Variants in ABCC3 observed in about 807,000 individuals in gnomAD.
ABCC3 encodes the protein ATP binding cassette subfamily C member 3.
A neutral mutation model predicts 165.3 loss-of-function variants in ABCC3; 121 were observed. The ratio of observed to expected loss-of-function variants is 0.73; its 90% CI spans 0.63 to 0.85. The LOEUF (loss-of-function observed/expected upper bound fraction) is 0.85, where lower values mean the gene tolerates loss of function less well. Ranked by LOEUF, ABCC3 falls within the 40% of genes least tolerant of loss-of-function variation. The pLI is 0.00. For synonymous variants in ABCC3, 733 were observed against 810.1 expected (o/e 0.90, Z 1.62); for missense variants, 1,869 against 1,964.1 (o/e 0.95, Z 0.92).
At chr17:50,647,223 C>A (rs1018028527) in intron 1 of ABCC3, among the ~76,000 whole-genome samples, 1 of 152,156 alleles carries the variant, frequency 6.6e-6, no homozygotes, top group Non-Finnish European at 1.5e-5. Flanking sequence ...AGGTGCTTAA[C>A]CTTTCCCTGC....
Position 50,675,971 on chromosome 17 carries a change from C to A in ABCC3, c.2948C>A (p.Ala983Glu). The A allele has an allele frequency of 6.2e-7, 1 of 1,614,154 alleles. No homozygotes were observed. Among genetic ancestry groups the A allele is most frequent in the Non-Finnish European group, 8.5e-7 (1 of 1,180,038 alleles). The change falls in exon 22 of 31, where the codon GCG becomes GAG. Residue 983 changes from alanine to glutamate, a missense_variant. Transcript: ENST00000285238. ...TGTCTCCTGTATGTGGGTCAAAGTG[C>A]GGCTGCCATTGGAGCCAATGTGTGG... is the stretch of plus-strand genomic sequence containing the variant. ...AICLLYVGQS[A>E]AAIGANVWLS...
chr17:50,667,669 G>T lies in ABCC3; in HGVS notation c.1547G>T (p.Gly516Val). Residue 516 changes from glycine (G) to valine (V), a missense_variant, in exon 12 of 31, where the codon GGC becomes GTC. Transcript: ENST00000285238. ...CCCAGCTTCCTGAAGCAGGTGGAGG[G>T]CATCAGGCAGGGTGAGCTCCAGCTG... ...WEPSFLKQVE[G>V]IRQGELQLLR... The T allele has an allele frequency of 6.2e-7, 1 of 1,614,166 alleles. No individual in the cohort carries two copies. The highest frequency in any genetic ancestry group is 8.5e-7 in the Non-Finnish European group (1 of 1,180,030).
chr17:50,658,290 T>A, intron 5 of ABCC3, 83 bp downstream of exon 5: 1 of 1,605,190 alleles, frequency 6.2e-7, no homozygotes, highest in Non-Finnish European at 8.5e-7. Context: ...CCCCTCCAGT[T>A]CCTTTCAAAG....
At chr17:50,638,260 T>C (rs2054197019) in intron 1 of ABCC3, among the ~76,000 whole-genome samples, 1 of 151,690 alleles carries the variant, frequency 6.6e-6, no homozygotes, top group South Asian at 2.1e-4. Flanking sequence ...GTGAAGGGAG[T>C]ATGTGGAGGA....
rs371874263 is a variant in ABCC3 at position 50,675,683 on chromosome 17, C to A, written c.2767C>A (p.Arg923=). 1 of 1,572,844 alleles carries A rather than the reference C, an allele frequency of 6.4e-7. No homozygotes were observed. The highest frequency in any genetic ancestry group is 2.3e-5 in the East Asian group (1 of 42,798). ...GGAGGGACAGGGTCGGCCTGTACCC[C>A]GGAGGCACCTGGGTCCATCAGAGAA... The part of the protein sequence containing the change: ...DGEGQGRPVP[R]RHLGPSEKVQ... The change falls in exon 21 of 31, where the codon CGG becomes AGG. Residue 923 remains arginine, a synonymous_variant. Coordinates refer to ENST00000285238, the MANE Select transcript of ABCC3 (RefSeq NM_003786.4).
chr17:50,660,806 A>T, intron 7 of ABCC3, 117 bp from the exon 8 acceptor site: 2 of 761,244 alleles, frequency 2.6e-6, no homozygotes, highest in Non-Finnish European at 4.2e-6. Flanking sequence ...CCCAGCTCTG[A>T]GAGCCAAGAA....
intron 1 of ABCC3, chr17:50,635,496 G>A: frequency 1.4e-6 from 1 of 702,586 alleles, no homozygotes; most frequent in Non-Finnish European, 2.6e-6. Context: ...TTCTTAGGAA[G>A]GTTTCCTGCC....
At chr17:50,668,827 G>T in intron 14 of ABCC3, 26 bp from the exon 15 acceptor site, 1 of 1,610,368 alleles carries the variant, frequency 6.2e-7, no homozygotes. Context: ...CTCCCTCCCT[G>T]ACCCTGCCCA....
At chr17:50,668,993 A>G (rs1340000072) in intron 15 of ABCC3, 74 bp downstream of exon 15, 1 of 1,598,776 alleles carries the variant, frequency 6.3e-7, no homozygotes, top group African/African-American at 1.3e-5. Context: ...AGCACCCTGC[A>G]AAGCCTTTGA....
At chr17:50,660,821 G>T in intron 7 of ABCC3, 102 bp from the exon 8 acceptor site, 2 of 956,742 alleles carry the variant, frequency 2.1e-6, no homozygotes. Context: ...CAAGAAAACA[G>T]CTCCTTCCTC....
At position 50,673,476 on chromosome 17, in the gene ABCC3, T is replaced by A; in HGVS notation, c.2417T>A (p.Val806Glu). ...PEGVLAGKTR[V>E]LVTHGISFLP... ...CTGCTGCCTTCTCCCCAGACGCGAG[T>A]GCTGGTGACGCACGGCATTAGCTTC... Residue 806 changes from valine to glutamate, a missense_variant, in exon 19 of 31, where the codon GTG becomes GAG. Coordinates refer to ENST00000285238, the MANE Select transcript of ABCC3 (RefSeq NM_003786.4). 6.2e-7 allele frequency: 1 copy of A among 1,613,992 alleles called. No individual in the cohort carries two copies. Among genetic ancestry groups the A allele is most frequent in the East Asian group, 2.2e-5 (1 of 44,870 alleles).
intron 1 of ABCC3, among the ~76,000 whole-genome samples, chr17:50,651,449 G>A (rs534472891): frequency 7.4e-4 from 112 of 152,278 alleles, no homozygotes; most frequent in African/African-American, 2.6e-3. Flanking sequence ...GTGGCTGAGC[G>A]TGGTGGCTCA....
intron 30 of ABCC3, among the ~76,000 whole-genome samples, 175 bp from the exon 31 acceptor site, chr17:50,690,917 T>G (rs1968112187): frequency 6.6e-6 from 1 of 152,212 alleles, no homozygotes; most frequent in African/African-American, 2.4e-5. Flanking sequence ...TTGCCAGAAC[T>G]AACAGAATGG....
chr17:50,642,537 G>A (rs375371030), intron 1 of ABCC3, among the ~76,000 whole-genome samples: 26 of 152,310 alleles, frequency 1.7e-4, no homozygotes, highest in Middle Eastern at 3.4e-3. Context: ...GTGTTGTCCC[G>A]TTGCCATCGA....
rs1475009767 is a variant in ABCC3 at position 50,661,004 on chromosome 17, G to A, written c.888G>A (p.Lys296=). The part of the protein sequence containing the change: ...VLLGARPRPR[K]PSFLKALLAT... ...TGGGTGCCCGGCCCAGGCCCCGGAA[G>A]CCCTCCTTCCTGAAGGCCCTGCTGG... Residue 296 remains lysine, a synonymous_variant, in exon 8 of 31, where the codon AAG becomes AAA. Transcript: ENST00000285238. 1.9e-6 allele frequency: 3 copies of A among 1,614,104 alleles called. No homozygotes were observed. In the Admixed American group the frequency reaches 5.0e-5, roughly 27 times the overall value.
At chr17:50,669,641 C>A in intron 17 of ABCC3, 113 bp downstream of exon 17, 1 of 1,121,992 alleles carries the variant, frequency 8.9e-7, no homozygotes, top group Non-Finnish European at 1.3e-6. Context: ...ACGTTATGCC[C>A]AACTCTGTGC....
chr17:50,653,182 C>T (rs1967144618), intron 1 of ABCC3, among the ~76,000 whole-genome samples: 1 of 151,128 alleles, frequency 6.6e-6, no homozygotes, highest in African/African-American at 2.4e-5. Context: ...CCCATCTCTA[C>T]TAAAAATACA....
At chr17:50,655,494 A>G (rs1967218900) in intron 1 of ABCC3, among the ~76,000 whole-genome samples, 2 of 151,780 alleles carry the variant, frequency 1.3e-5, no homozygotes, top group Non-Finnish European at 2.9e-5. Context: ...TGAACTGCAG[A>G]GGACCATAAG....
In ABCC3 at chr17:50,656,758, T is replaced by C. The variant is rs779442658; in HGVS notation, c.279T>C (p.His93=). 3.7e-5 allele frequency: 59 copies of C among 1,613,930 alleles called. No homozygotes were observed. The highest frequency in any genetic ancestry group is 6.7e-5 in the Admixed American group (4 of 59,958). The stretch of plus-strand genomic sequence containing the variant: ...GGGCGGACCTTTTTTACTCCTTCCA[T>C]GGCCTGGTCCATGGCCGGGCCCCTG... The part of the protein sequence containing the change: ...VSWADLFYSF[H]GLVHGRAPAP... The change falls in exon 3 of 31, where the codon CAT becomes CAC. Residue 93 remains histidine, a synonymous_variant. Coordinates refer to ENST00000285238, the MANE Select transcript of ABCC3 (RefSeq NM_003786.4).
Sources: gnomAD v4.1 joint callset for allele counts (sites outside exome capture counted in the v4.1 genomes callset) on GRCh38, gnomAD v4.1.1 for gene constraint, MANE v1.5 for transcripts, NCBI Gene and HGNC (gene_info 2026-07-23, HGNC 2026-07-21) for gene names.